Variants in HERC1 observed in about 807,000 individuals in gnomAD.
HERC1 encodes probable E3 ubiquitin-protein ligase HERC1.
A neutral mutation model predicts 554.3 loss-of-function variants in HERC1; 160 were observed. The observed-to-expected ratio is 0.29, with a 90% CI of 0.25 to 0.33. HERC1 has a LOEUF of 0.33. Among genes scored for constraint, HERC1 ranks in the 10% least tolerant of loss-of-function variants. The pLI, the probability that HERC1 is intolerant of heterozygous loss-of-function variation, is 1.00. For synonymous variants in HERC1, 2,175 were observed against 2,131.7 expected, an observed-to-expected ratio of 1.02 and a Z score of -0.56; for missense variants, 4,919 against 5,918.5, an observed-to-expected ratio of 0.83 and a Z score of 5.54.
chr15:63,742,144 G>A (rs376571939), intron 12 of HERC1, among the ~76,000 whole-genome samples: 3 of 152,168 alleles, frequency 2.0e-5, no homozygotes, highest in South Asian at 4.2e-4. Context: ...ATTTATTTCG[G>A]TCTTCTTTAA....
Position 63,739,195 on chromosome 15 carries a change from C to CTTTTTTT in HERC1, c.2521-4353_2521-4347dup, listed in dbSNP as rs1205943240. Among the ~76,000 whole-genome samples the CTTTTTTT allele has an allele frequency of 9.4e-3, 963 of 102,234 alleles. 33 individuals carry two copies. Among genetic ancestry groups the CTTTTTTT allele is most frequent in the East Asian group, 0.015 (66 of 4,310 alleles). The allele number at this position is 102,234 out of a possible 152,430, so 67.1% of individuals were successfully genotyped here. A position where few individuals can be genotyped will look rare whatever the true frequency, so the allele number is the denominator to read the frequency against. ...AAGACCTCCAACAACCACTAATATACTTTTTTTTTTTTTTTTTTTTTAGAT... is the reference window on the plus strand; with the variant it reads ...AAGACCTCCAACAACCACTAATATACTTTTTTTTTTTTTTTTTTTTTTTTTTTTAGAT... On this transcript the variant is annotated intron_variant, in intron 12 of 77. Transcript: ENST00000443617.
intron 1 of HERC1, among the ~76,000 whole-genome samples, chr15:63,830,832 A>G (rs535483847): frequency 6.6e-6 from 1 of 152,374 alleles, no homozygotes; most frequent in South Asian, 2.1e-4. Context: ...CCATTAATTT[A>G]GAGAGCCCGG....
chr15:63,672,836 G>T (rs1181863979), intron 38 of HERC1, 142 bp from the exon 39 acceptor site: 2 of 629,454 alleles, frequency 3.2e-6, no homozygotes, highest in African/African-American at 3.7e-5. Context: ...AAGATTGACA[G>T]AAAAAAATAT....
At chr15:63,802,647 T>C (rs1245213507) in intron 1 of HERC1, among the ~76,000 whole-genome samples, 18 of 152,092 alleles carry the variant, frequency 1.2e-4, no homozygotes, top group African/African-American at 9.7e-5. Flanking sequence ...CTGACATACA[T>C]ACATAAATTA....
At chr15:63,740,768 G>T (rs184687083) in intron 12 of HERC1, among the ~76,000 whole-genome samples, 19 of 152,154 alleles carry the variant, frequency 1.2e-4, no homozygotes, top group Non-Finnish European at 2.9e-5. Flanking sequence ...TAAAACTGGG[G>T]TATCTGTCTT....
intron 24 of HERC1, among the ~76,000 whole-genome samples, chr15:63,710,929 C>T (rs2073261116): frequency 6.6e-6 from 1 of 152,096 alleles, no homozygotes; most frequent in Non-Finnish European, 1.5e-5. Flanking sequence ...TGGGACCAGA[C>T]CATGAAGAGC....
intron 49 of HERC1, 58 bp from the exon 50 acceptor site, chr15:63,656,013 T>A: frequency 1.3e-6 from 2 of 1,593,124 alleles, no homozygotes; most frequent in Non-Finnish European, 1.7e-6. Context: ...GGAACAAAAA[T>A]ATTTCATTTC....
chr15:63,791,426 G>GA (rs1171290127), intron 1 of HERC1, among the ~76,000 whole-genome samples: 1 of 152,148 alleles, frequency 6.6e-6, no homozygotes, highest in Non-Finnish European at 1.5e-5. Context: ...TGTACAAACA[G>GA]AAAGATGAAT....
chr15:63,778,589 T>C (rs757835766), intron 1 of HERC1, among the ~76,000 whole-genome samples: 15 of 152,122 alleles, frequency 9.9e-5, no homozygotes, highest in Non-Finnish European at 2.2e-4. Flanking sequence ...AATAGACCCA[T>C]AAAATTGAAG....
chr15:63,775,413 A>C lies in HERC1; in HGVS notation c.211T>G (p.Ser71Ala). 1 of 1,614,034 alleles carries C rather than the reference A, an allele frequency of 6.2e-7. No homozygotes were observed. The highest frequency in any genetic ancestry group is 8.5e-7 in the Non-Finnish European group (1 of 1,179,870). The stretch of plus-strand genomic sequence containing the variant: ...AAATAGTGGTCCTGCTCATCACTTG[A>C]AAGAGACTCACGTTCAAAGTCTGGC... ...QLPDFERESL[S>A]SDEQDHYLDA... The change falls in exon 2 of 78, where the codon TCA (serine) becomes GCA (alanine). Residue 71 changes from serine (S) to alanine (A), a missense_variant. Coordinates refer to ENST00000443617, the MANE Select transcript of HERC1 (RefSeq NM_003922.4). This position sits in a 1 kb window ranked among gnomAD's most constrained non-coding sequence, Gnocchi z 4.0.
chr15:63,631,503 C>T (rs1339733683), intron 68 of HERC1, among the ~76,000 whole-genome samples: 4 of 152,180 alleles, frequency 2.6e-5, no homozygotes, highest in Admixed American at 2.6e-4. Flanking sequence ...CCTCTCTTCC[C>T]ACTCCTTTCA....
rs1281146382 is a variant in HERC1, at chr15:63,692,905, G to A, written c.5675-339C>T. Among the ~76,000 whole-genome samples the A allele has an allele frequency of 6.6e-6, 1 of 152,174 alleles. No individual in the cohort carries two copies. The highest frequency in any genetic ancestry group is 1.5e-5 in the Non-Finnish European group (1 of 68,026). ...ATCCAGTTCCCAAATATCAGGACAG[G>A]CGCAATGGCTCACATCTGTAATCCC... On this transcript the variant is annotated intron_variant, in intron 30 of 77. Transcript: ENST00000443617. This position sits in a 1 kb window ranked among gnomAD's most constrained non-coding sequence, Gnocchi z 4.7.
intron 1 of HERC1, among the ~76,000 whole-genome samples, chr15:63,818,237 A>G (rs902029985): frequency 1.3e-5 from 2 of 152,200 alleles, no homozygotes; most frequent in Non-Finnish European, 2.9e-5. Flanking sequence ...TTGCAGAATC[A>G]TTGCTGTCTT....
chr15:63,737,639 A>G (rs997922380), intron 12 of HERC1, among the ~76,000 whole-genome samples: 3 of 148,166 alleles, frequency 2.0e-5, no homozygotes, highest in African/African-American at 7.4e-5. Flanking sequence ...CTCGGCCTCC[A>G]AAAGTGCTGG....
intron 3 of HERC1, among the ~76,000 whole-genome samples, chr15:63,759,556 T>C (rs982128240): frequency 1.3e-5 from 2 of 152,260 alleles, no homozygotes; most frequent in Non-Finnish European, 2.9e-5. Context: ...CATTTCTTTA[T>C]TGTTAGCAAA....
intron 1 of HERC1, 34 bp downstream of exon 1, chr15:63,833,793 G>GCAC (rs1567176634): frequency 1.4e-5 from 2 of 146,238 alleles, no homozygotes; most frequent in African/African-American, 5.2e-5. Flanking sequence ...ACACACACAG[G>GCAC]ACCAGGAGGA....
intron 54 of HERC1, 105 bp downstream of exon 54, chr15:63,649,620 G>A (rs2069566179): frequency 1.1e-6 from 1 of 882,446 alleles, no homozygotes. Context: ...TGAAAACAAA[G>A]CCAAGATAAT....
chr15:63,826,465 C>T (rs2077907272), intron 1 of HERC1, among the ~76,000 whole-genome samples: 1 of 152,014 alleles, frequency 6.6e-6, no homozygotes, highest in Admixed American at 6.6e-5. Context: ...CCAGTAACTA[C>T]CATATCACAT....
chr15:63,623,743 G>A lies in HERC1; in HGVS notation c.13593C>T (p.Thr4531=), dbSNP rs2068185465. ...AATATACCTGGCACATCTCTGTGAT[G>A]GTGTCATCAAACACTCCTCCAGCAT... ...ADDAGGVFDD[T]ITEMCQELET... Residue 4531 remains threonine, a synonymous_variant, in exon 73 of 78, where the codon ACC becomes ACT. Transcript: ENST00000443617. 1 of 1,613,632 alleles carries A rather than the reference G, an allele frequency of 6.2e-7. No individual in the cohort carries two copies.
Sources: allele counts gnomAD v4.1 joint callset (sites outside exome capture counted in the v4.1 genomes callset), GRCh38; gene constraint gnomAD v4.1.1; non-coding constraint Gnocchi (gnomAD v3.1); transcripts MANE v1.5; gene names NCBI Gene and HGNC (gene_info 2026-07-23, HGNC 2026-07-21).